The following NCAN variants were observed in gnomAD, a reference collection of about 807,000 sequenced individuals.
NCAN encodes neurocan core protein.
Under a neutral mutation model 121.8 loss-of-function variants are expected in NCAN, and 47 were observed. The ratio of observed to expected loss-of-function variants is 0.39; its 90% confidence interval spans 0.31 to 0.49. NCAN has a LOEUF of 0.49. NCAN is among the 20% of genes least tolerant of loss of function. The pLI, the probability that NCAN is intolerant of heterozygous loss-of-function variation, is 0.92. For missense variants in NCAN, 1,517 were observed against 1,773.4 expected (o/e 0.86, Z 2.60); for synonymous variants, 633 against 702.0 (o/e 0.90, Z 1.55).
chr19:19,218,284 A>G (rs1167363836), intron 2 of NCAN, among the ~76,000 whole-genome samples: 2 of 151,730 alleles, frequency 1.3e-5, no homozygotes, highest in Non-Finnish European at 2.9e-5. Flanking sequence ...TCTCAAAAGT[A>G]TAAATAAATA....
At chr19:19,238,131 G>A in intron 10 of NCAN, 122 bp from the exon 11 acceptor site, 1 of 1,254,988 alleles carries the variant, frequency 8.0e-7, no homozygotes, top group Non-Finnish European at 1.1e-6. Context: ...ATGGGGAGAG[G>A]GGTGATTTCG....
At chr19:19,216,047 C>T (rs1277455448) in intron 1 of NCAN, among the ~76,000 whole-genome samples, 2 of 152,170 alleles carry the variant, frequency 1.3e-5, no homozygotes, top group Non-Finnish European at 2.9e-5. Flanking sequence ...GCAACTTGCC[C>T]AAGATCACAC....
intron 1 of NCAN, among the ~76,000 whole-genome samples, chr19:19,215,343 C>T (rs1190459795): frequency 6.6e-6 from 1 of 152,194 alleles, no homozygotes; most frequent in Non-Finnish European, 1.5e-5. Context: ...CTCCTGAGCC[C>T]TGGTGACCGG....
At chr19:19,244,518 A>C (rs2060917014) in intron 12 of NCAN, among the ~76,000 whole-genome samples, 1 of 151,854 alleles carries the variant, frequency 6.6e-6, no homozygotes, top group Non-Finnish European at 1.5e-5. Context: ...CTTGTTGTCC[A>C]AGGTGGTCCC....
intron 12 of NCAN, among the ~76,000 whole-genome samples, chr19:19,243,515 C>CAAAAAAAA (rs781710638): frequency 7.0e-5 from 3 of 42,666 alleles, no homozygotes; most frequent in African/African-American, 2.4e-4. Context: ...GACTCCATCT[C>CAAAAAAAA]AAAAAAAAAA....
chr19:19,231,683 A>G (rs1348569247), intron 8 of NCAN, among the ~76,000 whole-genome samples: 1 of 152,102 alleles, frequency 6.6e-6, no homozygotes, highest in African/African-American at 2.4e-5. Context: ...GCTCGTTGGC[A>G]TAAAAAAGTA....
In NCAN at chr19:19,250,274, G is replaced by A. The variant is rs1390753097; in HGVS notation, c.*363G>A. ...GAGTGTATGTTTGCATTCACATGAA[G>A]GAATTGCTTTTCACACCAGAAATTC... On this transcript the variant is annotated 3_prime_UTR_variant, in exon 15 of 15. Coordinates refer to ENST00000252575, the MANE Select transcript of NCAN (RefSeq NM_004386.3). 3 of 410,902 alleles carry A rather than the reference G, an allele frequency of 7.3e-6. No homozygotes were observed. The highest frequency in any genetic ancestry group is 1.4e-5 in the Non-Finnish European group (3 of 213,624). 25.5% of individuals were successfully genotyped at this position (410,902 alleles called of 1,614,324 possible).
Position 19,247,590 on chromosome 19 carries a change from T to C in NCAN, c.3638-1110T>C, listed in dbSNP as rs188451209. On this transcript the variant is annotated intron_variant, in intron 13 of 14. Transcript: ENST00000252575. ...TTTTTTTGTAGAGACAGGGTCTTGC[T>C]GTGTTGCCCAGGCTGGTCTCAAACT... Among the ~76,000 whole-genome samples the C allele has an allele frequency of 3.3e-5, 5 of 151,436 alleles. 1 individual carries two copies. Among genetic ancestry groups the C allele is most frequent in the Admixed American group, 3.3e-4 (5 of 15,216 alleles).
intron 3 of NCAN, among the ~76,000 whole-genome samples, 173 bp from the exon 4 acceptor site, chr19:19,223,848 T>A (rs920182124): frequency 1.3e-5 from 2 of 152,148 alleles, no homozygotes; most frequent in Admixed American, 6.6e-5. Context: ...AGTTTCCTCA[T>A]CTGTAAAATG....
At chr19:19,236,602 T>C (rs1215373890) in intron 10 of NCAN, among the ~76,000 whole-genome samples, 1 of 151,364 alleles carries the variant, frequency 6.6e-6, no homozygotes, top group Non-Finnish European at 1.5e-5. Context: ...TTTAATTTAC[T>C]TTTTTTTTGT....
chr19:19,241,160 G>A (rs994822335), intron 12 of NCAN, among the ~76,000 whole-genome samples: 6 of 152,124 alleles, frequency 3.9e-5, no homozygotes, highest in Non-Finnish European at 8.8e-5. Flanking sequence ...GGAGGCTGAG[G>A]CGTGAGAATC....
chr19:19,215,993 A>G (rs1263038537), intron 1 of NCAN, among the ~76,000 whole-genome samples: 2 of 152,186 alleles, frequency 1.3e-5, no homozygotes, highest in Non-Finnish European at 2.9e-5. Context: ...ACCTGATGTT[A>G]TCCCCATCTG....
chr19:19,214,763 TGAGAGA>T (rs927690558), intron 1 of NCAN, among the ~76,000 whole-genome samples: 59 of 92,180 alleles, frequency 6.4e-4, no homozygotes, highest in African/African-American at 1.7e-3. Flanking sequence ...TGTGTGTGTG[TGAGAGA>T]GAGAGAGAAA....
chr19:19,227,702 G>A lies in NCAN; in HGVS notation c.2082G>A (p.Met694Ile), dbSNP rs747761534. 2 of 1,613,978 alleles carry A rather than the reference G, an allele frequency of 1.2e-6. No individual in the cohort carries two copies. Among genetic ancestry groups the A allele is most frequent in the Non-Finnish European group, 1.7e-6 (2 of 1,180,024 alleles). Residue 694 changes from methionine to isoleucine, a missense_variant, in exon 8 of 15, where the codon ATG (methionine) becomes ATA (isoleucine). Met to Ile is a conservative substitution (Grantham distance 10). Coordinates refer to ENST00000252575, the MANE Select transcript of NCAN (RefSeq NM_004386.3). The surrounding 1 kb of genome is among the most constrained non-coding windows in gnomAD (Gnocchi z 4.2). The stretch of plus-strand genomic sequence containing the variant: ...CAACAGGACAGGGTGGAGAGGCCAT[G>A]CCCACAACACCTGAGTCCCCCAGGG... ...LTPTGQGGEAMPTTPESPRAD... is the reference protein window; with the variant it reads ...LTPTGQGGEAIPTTPESPRAD...
intron 3 of NCAN, among the ~76,000 whole-genome samples, chr19:19,220,125 G>A (rs1293805608): frequency 6.6e-6 from 1 of 152,020 alleles, no homozygotes; most frequent in East Asian, 1.9e-4. Flanking sequence ...AGACTTCTGG[G>A]GGCCACAATA....
chr19:19,230,853 G>A (rs2060856316), intron 8 of NCAN, among the ~76,000 whole-genome samples: 1 of 148,594 alleles, frequency 6.7e-6, no homozygotes, highest in African/African-American at 2.5e-5. Flanking sequence ...CCAGTAGCTT[G>A]GACTACAGGC....
chr19:19,226,450 T>TG, intron 6 of NCAN, 36 bp from the exon 7 acceptor site: 1 of 1,502,374 alleles, frequency 6.7e-7, no homozygotes, highest in Non-Finnish European at 9.0e-7. Flanking sequence ...AGGCAACCCC[T>TG]GGGCCTAACA....
At chr19:19,243,430 C>G (rs1402221545) in intron 12 of NCAN, among the ~76,000 whole-genome samples, 1 of 147,960 alleles carries the variant, frequency 6.8e-6, no homozygotes, top group Non-Finnish European at 1.5e-5. Flanking sequence ...GCAGGAGAAT[C>G]GCTTGAACCT....
Position 19,250,197 on chromosome 19 carries a change from T to C in NCAN, c.*286T>C. ...AAGCACAAGTAGCAAAGCTCATTGGTCTGGTCTCTTGTTTGCCAGGCTGAT... is the reference window on the plus strand; with the variant it reads ...AAGCACAAGTAGCAAAGCTCATTGGCCTGGTCTCTTGTTTGCCAGGCTGAT... On this transcript the variant is annotated 3_prime_UTR_variant, in exon 15 of 15. Coordinates refer to ENST00000252575, the MANE Select transcript of NCAN (RefSeq NM_004386.3). 1 of 597,548 alleles carries C rather than the reference T, an allele frequency of 1.7e-6. No individual in the cohort carries two copies. The highest frequency in any genetic ancestry group is 3.1e-6 in the Non-Finnish European group (1 of 317,650). The allele number at this position is 597,548 out of a possible 1,614,324, so 37.0% of individuals were successfully genotyped here. A position where few individuals can be genotyped will look rare whatever the true frequency, so the allele number is the denominator to read the frequency against.
Sources: gnomAD v4.1 joint callset for allele counts (sites outside exome capture counted in the v4.1 genomes callset) on GRCh38, gnomAD v4.1.1 for gene constraint, Gnocchi (gnomAD v3.1) non-coding constraint, MANE v1.5 for transcripts, NCBI Gene and HGNC (gene_info 2026-07-23, HGNC 2026-07-21) for gene names.